The following RNF150 variants were observed in gnomAD, a reference collection of about 807,000 sequenced individuals.
RNF150 encodes ring finger protein 150.
Under a neutral mutation model 39.3 loss-of-function variants are expected in RNF150, and 24 were observed. The ratio of observed to expected loss-of-function variants is 0.61; its 90% CI spans 0.44 to 0.86. The LOEUF is 0.86. Among genes scored for constraint, RNF150 ranks in the 40% least tolerant of loss-of-function variants. The probability of loss-of-function intolerance (pLI) is 0.00; values close to 1 mark genes in which losing one functional copy is unlikely to be tolerated. For synonymous variants in RNF150, 255 were observed against 227.3 expected (o/e 1.12, Z -1.10); for missense variants, 502 against 587.8 (o/e 0.85, Z 1.51).
intron 1 of RNF150, among the ~76,000 whole-genome samples, chr4:141,035,541 A>G (rs1466709790): frequency 6.6e-6 from 1 of 152,172 alleles, no homozygotes; most frequent in Non-Finnish European, 1.5e-5. Context: ...TCTAAATCCC[A>G]TGCAAGGACA....
At chr4:140,956,377 GA>G in intron 2 of RNF150, among the ~76,000 whole-genome samples, 1 of 152,272 alleles carries the variant, frequency 6.6e-6, no homozygotes, top group Middle Eastern at 3.4e-3. Context: ...TTCTGGTGGG[GA>G]CAGGAGAACT....
chr4:141,007,405 T>C (rs991858043), intron 1 of RNF150, among the ~76,000 whole-genome samples: 3 of 152,168 alleles, frequency 2.0e-5, no homozygotes, highest in Non-Finnish European at 4.4e-5. Context: ...AATTAGTAAG[T>C]TTTTCTGAAA....
At chr4:141,123,929 A>C (rs1311077446) in intron 1 of RNF150, among the ~76,000 whole-genome samples, 2 of 151,976 alleles carry the variant, frequency 1.3e-5, no homozygotes, top group Non-Finnish European at 2.9e-5. Flanking sequence ...TATGTGCCAC[A>C]TTTTCTTAAT....
At chr4:140,908,240 C>T (rs1730467097) in intron 6 of RNF150, among the ~76,000 whole-genome samples, 4 of 151,952 alleles carry the variant, frequency 2.6e-5, no homozygotes, top group Admixed American at 2.6e-4. Flanking sequence ...AGTCACTAGG[C>T]AATTAAAAAA....
chr4:141,087,952 AG>A (rs1738430315), intron 1 of RNF150, among the ~76,000 whole-genome samples: 1 of 152,088 alleles, frequency 6.6e-6, no homozygotes, highest in Non-Finnish European at 1.5e-5. Flanking sequence ...CCTTCATTTG[AG>A]GACATGTGCC....
chr4:141,090,913 A>G (rs1231779488), intron 1 of RNF150, among the ~76,000 whole-genome samples: 1 of 152,222 alleles, frequency 6.6e-6, no homozygotes, highest in Non-Finnish European at 1.5e-5. Context: ...AAAGCTACAG[A>G]TACTATAAGA....
At chr4:140,947,985 C>T (rs778192003) in intron 3 of RNF150, among the ~76,000 whole-genome samples, 3 of 152,074 alleles carry the variant, frequency 2.0e-5, no homozygotes, top group Admixed American at 6.5e-5. Flanking sequence ...ACTAACAATG[C>T]TATTAATTAT....
At chr4:141,037,941 A>G (rs145078453) in intron 1 of RNF150, among the ~76,000 whole-genome samples, 12 of 152,338 alleles carry the variant, frequency 7.9e-5, no homozygotes, top group African/African-American at 2.6e-4. Flanking sequence ...CTAACATGCA[A>G]TCATATACAC....
At chr4:140,974,326 T>A (rs922956203) in intron 1 of RNF150, among the ~76,000 whole-genome samples, 1 of 152,224 alleles carries the variant, frequency 6.6e-6, no homozygotes, top group Non-Finnish European at 1.5e-5. Context: ...CAAACAAGCA[T>A]GTATCAGTAA....
chr4:140,949,595 C>G (rs2111376878), intron 2 of RNF150, among the ~76,000 whole-genome samples: 1 of 152,136 alleles, frequency 6.6e-6, no homozygotes, highest in South Asian at 2.1e-4. Context: ...GTTCTTCATG[C>G]CTAGAGTTAA....
At chr4:141,141,795 T>C (rs1378286790) in intron 1 of RNF150, among the ~76,000 whole-genome samples, 1 of 152,146 alleles carries the variant, frequency 6.6e-6, no homozygotes, top group African/African-American at 2.4e-5. Flanking sequence ...CAGCCTGGCC[T>C]GGGCAAAAGA....
chr4:140,971,103 G>A (rs575378493), intron 1 of RNF150, among the ~76,000 whole-genome samples: 34 of 152,108 alleles, frequency 2.2e-4, no homozygotes, highest in Non-Finnish European at 4.9e-4. Context: ...TGCTCCTCCA[G>A]GATCTATATT....
At chr4:141,203,410 T>C (rs1443306073) in intron 1 of RNF150, among the ~76,000 whole-genome samples, 2 of 151,436 alleles carry the variant, frequency 1.3e-5, no homozygotes, top group African/African-American at 2.4e-5. Flanking sequence ...TTTATATATA[T>C]ATATATGTGC....
intron 1 of RNF150, among the ~76,000 whole-genome samples, chr4:140,968,539 C>T (rs1373866765): frequency 6.6e-6 from 1 of 151,604 alleles, no homozygotes; most frequent in African/African-American, 2.4e-5. Context: ...ACGTACCAAG[C>T]AAAGAGAAGT....
At chr4:141,187,378 A>G (rs1395777117) in intron 1 of RNF150, among the ~76,000 whole-genome samples, 1 of 152,228 alleles carries the variant, frequency 6.6e-6, no homozygotes, top group Non-Finnish European at 1.5e-5. Flanking sequence ...CTCTTGCTCC[A>G]GAGCTGAGTT....
At chr4:140,936,828 A>G (rs1344630601) in intron 4 of RNF150, among the ~76,000 whole-genome samples, 1 of 152,186 alleles carries the variant, frequency 6.6e-6, no homozygotes, top group Non-Finnish European at 1.5e-5. Flanking sequence ...TAAATATGAT[A>G]TGATATAAAA....
At chr4:140,925,903 T>C in intron 5 of RNF150, 74 bp downstream of exon 5, 2 of 1,015,750 alleles carry the variant, frequency 2.0e-6, no homozygotes, top group Non-Finnish European at 3.1e-6. Context: ...CATCCAAGTA[T>C]AATGTTTTCT....
intron 1 of RNF150, among the ~76,000 whole-genome samples, chr4:141,159,836 G>T (rs140369014): frequency 6.6e-6 from 1 of 152,144 alleles, no homozygotes; most frequent in South Asian, 2.1e-4. Flanking sequence ...GAGCCACTGC[G>T]CCCAGCCTGT....
chr4:140,919,736 C>T (rs181704976), intron 5 of RNF150, among the ~76,000 whole-genome samples: 3 of 148,258 alleles, frequency 2.0e-5, no homozygotes, highest in Non-Finnish European at 4.5e-5. Context: ...CAAGCCAATC[C>T]TAAGCCAAAA....
Sources: allele counts gnomAD v4.1 joint callset (sites outside exome capture counted in the v4.1 genomes callset), GRCh38; gene constraint gnomAD v4.1.1; transcripts MANE v1.5; gene names NCBI Gene and HGNC (gene_info 2026-07-23, HGNC 2026-07-21).